AFF3: variants seen among roughly 807,000 people sequenced by gnomAD.
AFF3 encodes AF4/FMR2 family member 3.
In AFF3, 32 loss-of-function variants were observed where a neutral mutation model predicts 129.7. The ratio of observed to expected loss-of-function variants is 0.25; its 90% CI spans 0.19 to 0.33. The LOEUF is 0.33. Ranked by LOEUF, AFF3 falls within the 10% of genes least tolerant of loss-of-function variation. The pLI, the probability that AFF3 is intolerant of heterozygous loss-of-function variation, is 1.00. For missense variants in AFF3, 1,373 were observed against 1,592.0 expected, an observed-to-expected ratio of 0.86 and a Z score of 2.34; for synonymous variants, 644 against 635.4, an observed-to-expected ratio of 1.01 and a Z score of -0.20.
chr2:100,004,258 A>G (rs537848136), intron 7 of AFF3, among the ~76,000 whole-genome samples: 2 of 152,154 alleles, frequency 1.3e-5, no homozygotes, highest in Admixed American at 6.5e-5. Flanking sequence ...ACTGGAAGTT[A>G]ATGTCTGTAC....
rs1296701589 is a variant in AFF3, at chr2:99,866,991, TAATAATAATAAAA to T, written c.874-29480_874-29468del. On this transcript the variant is annotated intron_variant, in intron 7 of 24. Transcript: ENST00000672756. ...ATAATAATAATAATAATAATAATAATAATAATAATAAAAAATAAATAAAATAAAAATAAAAAAT... is the reference window on the plus strand; with the variant it reads ...ATAATAATAATAATAATAATAATAATAATAAATAAAATAAAAATAAAAAAT... 3.7e-3 allele frequency among the ~76,000 whole-genome samples: 403 copies of T among 107,994 alleles called. 6 individuals are homozygous for T. The highest frequency in any genetic ancestry group is 0.011 in the African/African-American group (311 of 29,116). The allele number at this position is 107,994 out of a possible 152,430, so 70.8% of individuals were successfully genotyped here. A position where few individuals can be genotyped will look rare whatever the true frequency, so the allele number is the denominator to read the frequency against.
At chr2:99,936,823 T>C (rs72819146) in intron 7 of AFF3, among the ~76,000 whole-genome samples, 15,355 of 152,232 alleles carry the variant, frequency 0.1, 985 homozygotes, top group Non-Finnish European at 0.13. Context: ...TCATGCATTT[T>C]TCCCCCCTCA....
chr2:99,825,784 A>T (rs1249295141), intron 8 of AFF3, among the ~76,000 whole-genome samples: 1 of 152,152 alleles, frequency 6.6e-6, no homozygotes, highest in Non-Finnish European at 1.5e-5. Flanking sequence ...TCCTGTTTCT[A>T]GCCCTCAGGG....
intron 13 of AFF3, among the ~76,000 whole-genome samples, chr2:99,604,109 A>C (rs1680101725): frequency 6.6e-6 from 1 of 152,160 alleles, no homozygotes. Context: ...CAACCCAGCA[A>C]TCCCATTACT....
intron 12 of AFF3, among the ~76,000 whole-genome samples, chr2:99,651,193 G>T (rs1685219936): frequency 6.7e-6 from 1 of 150,220 alleles, no homozygotes; most frequent in African/African-American, 2.4e-5. Flanking sequence ...AAAAAAAAAG[G>T]GCTCCATTTC....
At chr2:99,651,595 C>A (rs1307522681) in intron 12 of AFF3, among the ~76,000 whole-genome samples, 1 of 152,026 alleles carries the variant, frequency 6.6e-6, no homozygotes, top group Admixed American at 6.6e-5. Flanking sequence ...GTGTATGCCA[C>A]CACACCCAGC....
chr2:99,751,187 A>G (rs934688657), intron 9 of AFF3, among the ~76,000 whole-genome samples: 3 of 152,126 alleles, frequency 2.0e-5, no homozygotes, highest in East Asian at 1.9e-4. Flanking sequence ...TCCACCTCTC[A>G]GGTTCAAGTG....
At chr2:99,556,742 G>A (rs1315520120) in intron 22 of AFF3, among the ~76,000 whole-genome samples, 1 of 151,988 alleles carries the variant, frequency 6.6e-6, no homozygotes, top group Non-Finnish European at 1.5e-5. Context: ...GACAACACAA[G>A]GAGACCCTCT....
chr2:99,638,078 A>ATTT (rs11401722), intron 13 of AFF3, among the ~76,000 whole-genome samples: 3 of 147,552 alleles, frequency 2.0e-5, no homozygotes, highest in East Asian at 2.0e-4. Context: ...CAGAACCAGT[A>ATTT]TTTTTTTTTT....
rs534758057 is a variant in AFF3, at chr2:99,979,264, T to G, written c.873+27368A>C. Among the ~76,000 whole-genome samples, 7 of 151,994 alleles carry G rather than the reference T, an allele frequency of 4.6e-5. No individual in the cohort carries two copies. The East Asian group carries it at 1.2e-3, about 25-fold the overall frequency. ...ACTGCTTTTTTTCCCAAGGGAAAAA[T>G]CAGTGCCTAAGAACTAGCTCATCTT... On this transcript the variant is annotated intron_variant, in intron 7 of 24. Coordinates refer to ENST00000672756, the MANE Select transcript of AFF3 (RefSeq NM_001386135.1).
At chr2:100,051,377 A>G (rs11692695) in intron 4 of AFF3, among the ~76,000 whole-genome samples, 19,400 of 152,242 alleles carry the variant, frequency 0.13, 1,589 homozygotes, top group South Asian at 0.2. Flanking sequence ...GCGGGAGCTG[A>G]TCTGCAGATA....
intron 4 of AFF3, among the ~76,000 whole-genome samples, chr2:100,011,040 C>T (rs531391985): frequency 3.3e-5 from 5 of 152,160 alleles, no homozygotes; most frequent in South Asian, 4.1e-4. Context: ...TTTGGGAGGC[C>T]GAGATGGGTG....
At chr2:99,649,727 A>C in intron 12 of AFF3, 61 bp from the exon 13 acceptor site, 25 of 1,584,492 alleles carry the variant, frequency 1.6e-5, no homozygotes, top group Non-Finnish European at 1.9e-5. Context: ...TTACGTGCTC[A>C]ATGAACACTT....
intron 10 of AFF3, among the ~76,000 whole-genome samples, chr2:99,741,163 C>A (rs1306342734): frequency 6.6e-6 from 1 of 152,174 alleles, no homozygotes; most frequent in Non-Finnish European, 1.5e-5. Flanking sequence ...TGGCACAAGA[C>A]AGGGATGCCC....
chr2:99,558,441 TGAA>T (rs995387883), intron 22 of AFF3, among the ~76,000 whole-genome samples: 3 of 151,946 alleles, frequency 2.0e-5, no homozygotes, highest in African/African-American at 7.2e-5. Flanking sequence ...ACCAACATGG[TGAA>T]ACCCCATCTC....
chr2:99,553,849 G>A (rs982905048), intron 24 of AFF3, among the ~76,000 whole-genome samples: 7 of 147,422 alleles, frequency 4.7e-5, no homozygotes, highest in Non-Finnish European at 6.0e-5. Flanking sequence ...AGGAGACGGA[G>A]GTTGCAGTGA....
At chr2:99,568,769 T>C in intron 19 of AFF3, 83 bp downstream of exon 19, 1 of 1,331,460 alleles carries the variant, frequency 7.5e-7, no homozygotes, top group Non-Finnish European at 1.1e-6. Flanking sequence ...ATTTTATAAT[T>C]ACCCCAGCTA....
Position 99,628,641 on chromosome 2 carries a change from C to T in AFF3, c.1184+20985G>A, listed in dbSNP as rs564801971. On this transcript the variant is annotated intron_variant, in intron 13 of 24. Coordinates refer to ENST00000672756, the MANE Select transcript of AFF3 (RefSeq NM_001386135.1). ...GCGTGATCTTGGCTCACTGCAACTG[C>T]CACTTCCTGGGTTCCAGAGATTCTC... is the stretch of plus-strand genomic sequence containing the variant. 2.0e-4 allele frequency among the ~76,000 whole-genome samples: 30 copies of T among 151,896 alleles called. No homozygotes were observed. In the South Asian group the frequency reaches 6.2e-3, roughly 32 times the overall value.
At chr2:99,794,275 T>G (rs1685414433) in intron 8 of AFF3, among the ~76,000 whole-genome samples, 1 of 152,242 alleles carries the variant, frequency 6.6e-6, no homozygotes, top group African/African-American at 2.4e-5. Context: ...TTCTTTTCTT[T>G]CTTCAGAGAC....
Sources: gnomAD v4.1 joint callset for allele counts (sites outside exome capture counted in the v4.1 genomes callset) on GRCh38, gnomAD v4.1.1 for gene constraint, MANE v1.5 for transcripts, NCBI Gene and HGNC (gene_info 2026-07-23, HGNC 2026-07-21) for gene names.